The following DGKI variants were observed in gnomAD, a reference collection of about 807,000 sequenced individuals.
The protein encoded by DGKI is diacylglycerol kinase iota, also known as DAG kinase iota.
DGKI carries 55 observed loss-of-function variants against 147.5 expected under a neutral mutation model. The ratio of observed to expected loss-of-function variants is 0.37; its 90% CI spans 0.30 to 0.47. DGKI has a LOEUF of 0.47. Among genes scored for constraint, DGKI ranks in the 20% least tolerant of loss-of-function variants. The pLI is 1.00. For missense variants in DGKI, 1,007 were observed against 1,323.8 expected (o/e 0.76, Z 3.71); for synonymous variants, 469 against 477.1 (o/e 0.98, Z 0.22).
chr7:137,427,913 C>T (rs1229505107), intron 28 of DGKI, among the ~76,000 whole-genome samples: 1 of 151,148 alleles, frequency 6.6e-6, no homozygotes, highest in East Asian at 1.9e-4. Context: ...TAATCAATAG[C>T]TTACCAACCA....
At chr7:137,527,407 C>T (rs1237331277) in intron 20 of DGKI, among the ~76,000 whole-genome samples, 3 of 152,122 alleles carry the variant, frequency 2.0e-5, no homozygotes, top group Non-Finnish European at 4.4e-5. Context: ...CCGTCAACAT[C>T]AGTAGGGATA....
chr7:137,793,782 G>T (rs182586442), intron 1 of DGKI, among the ~76,000 whole-genome samples: 15 of 152,140 alleles, frequency 9.9e-5, no homozygotes, highest in African/African-American at 3.6e-4. Context: ...GAAGAGCCAA[G>T]AAGATTTTGA....
chr7:137,568,920 GA>G (rs144657060), intron 19 of DGKI, among the ~76,000 whole-genome samples: 27 of 144,196 alleles, frequency 1.9e-4, no homozygotes, highest in Admixed American at 4.1e-4. Flanking sequence ...ACAATTGTTA[GA>G]AAAAAAAAAC....
chr7:137,693,880 G>A (rs1823692781), intron 1 of DGKI, among the ~76,000 whole-genome samples: 1 of 152,174 alleles, frequency 6.6e-6, no homozygotes, highest in African/African-American at 2.4e-5. Flanking sequence ...GTGTTAAGAA[G>A]CCTAAGAAAC....
chr7:137,799,941 C>A (rs1368225158), intron 1 of DGKI, among the ~76,000 whole-genome samples: 1 of 152,140 alleles, frequency 6.6e-6, no homozygotes, highest in Non-Finnish European at 1.5e-5. Flanking sequence ...TATTTAATGG[C>A]ATTAGAAATC....
intron 23 of DGKI, among the ~76,000 whole-genome samples, chr7:137,481,136 C>T (rs976107506): frequency 1.3e-5 from 2 of 152,052 alleles, no homozygotes; most frequent in African/African-American, 2.4e-5. Context: ...TCTCTGTGCA[C>T]GCTAAGATGT....
chr7:137,656,577 T>C lies in DGKI; in HGVS notation c.607-37A>G, dbSNP rs757944928. 21 of 1,601,520 alleles carry C rather than the reference T, an allele frequency of 1.3e-5. No homozygotes were observed. In the South Asian group the frequency reaches 2.2e-4, roughly 17 times the overall value. Reference sequence around the variant, plus strand: ...AATTCAAAAGACAAAAAAGAAATGTTAACAGTCTGTTCTGAAGAGTTCCCT... The same window carrying C: ...AATTCAAAAGACAAAAAAGAAATGTCAACAGTCTGTTCTGAAGAGTTCCCT... On this transcript the variant is annotated intron_variant, in intron 3 of 32. Coordinates refer to ENST00000614521, the MANE Select transcript of DGKI (RefSeq NM_001321708.2).
intron 23 of DGKI, among the ~76,000 whole-genome samples, chr7:137,482,649 C>T (rs903206195): frequency 2.6e-5 from 4 of 152,006 alleles, no homozygotes; most frequent in African/African-American, 9.7e-5. Context: ...CTTGGCCAAA[C>T]ATGAAAGTTT....
chr7:137,553,276 C>T (rs1226875338), intron 19 of DGKI, among the ~76,000 whole-genome samples: 1 of 152,186 alleles, frequency 6.6e-6, no homozygotes, highest in Non-Finnish European at 1.5e-5. Flanking sequence ...TTATCCAATA[C>T]TTTAATATGC....
intron 12 of DGKI, among the ~76,000 whole-genome samples, chr7:137,587,420 C>T (rs765706268): frequency 1.2e-4 from 19 of 152,174 alleles, no homozygotes; most frequent in Non-Finnish European, 2.4e-4. Flanking sequence ...CCATTTTGCA[C>T]ATGTTCTATC....
At chr7:137,740,998 G>A (rs1339524080) in intron 1 of DGKI, among the ~76,000 whole-genome samples, 1 of 152,104 alleles carries the variant, frequency 6.6e-6, no homozygotes, top group Middle Eastern at 3.2e-3. Flanking sequence ...GATAAAAAGG[G>A]TGGCTAAGTC....
intron 3 of DGKI, among the ~76,000 whole-genome samples, chr7:137,677,152 T>G (rs562114158): frequency 6.6e-6 from 1 of 152,322 alleles, no homozygotes; most frequent in South Asian, 2.1e-4. Flanking sequence ...CAATTATACT[T>G]TAATTAAAAA....
intron 1 of DGKI, among the ~76,000 whole-genome samples, chr7:137,804,976 A>C (rs1797321811): frequency 1.3e-5 from 2 of 152,216 alleles, no homozygotes; most frequent in African/African-American, 4.8e-5. Flanking sequence ...TTTCAAAGAA[A>C]GTAAGTTAAG....
intron 20 of DGKI, among the ~76,000 whole-genome samples, chr7:137,542,933 C>G (rs1817750600): frequency 6.6e-6 from 1 of 152,086 alleles, no homozygotes; most frequent in Admixed American, 6.6e-5. Context: ...TCCCACAGAG[C>G]ATTGAGTAAC....
chr7:137,674,719 T>C (rs574762799), intron 3 of DGKI, among the ~76,000 whole-genome samples: 4 of 152,348 alleles, frequency 2.6e-5, no homozygotes, highest in African/African-American at 7.2e-5. Flanking sequence ...AGTCTGCTCA[T>C]GTTCCTCTTC....
intron 1 of DGKI, among the ~76,000 whole-genome samples, chr7:137,760,395 C>G (rs944797295): frequency 1.3e-5 from 2 of 152,150 alleles, no homozygotes; most frequent in East Asian, 3.9e-4. Context: ...CTGCTCCAGC[C>G]CACCTCCTGG....
chr7:137,525,577 T>C (rs961377455), intron 20 of DGKI, among the ~76,000 whole-genome samples: 4 of 152,172 alleles, frequency 2.6e-5, no homozygotes, highest in Non-Finnish European at 5.9e-5. Context: ...CAGTTCCTAG[T>C]TAATCAGGAA....
intron 19 of DGKI, among the ~76,000 whole-genome samples, chr7:137,565,390 TTATG>T (rs1382810556): frequency 6.6e-6 from 1 of 152,184 alleles, no homozygotes; most frequent in East Asian, 1.9e-4. Context: ...ACTTTAATTC[TTATG>T]TATATTATCA....
intron 1 of DGKI, among the ~76,000 whole-genome samples, chr7:137,772,731 G>GT (rs1796243831): frequency 6.6e-6 from 1 of 152,212 alleles, no homozygotes; most frequent in Admixed American, 6.5e-5. Flanking sequence ...TGGAAACACT[G>GT]TCAGCAGTTA....
Sources: allele counts gnomAD v4.1 joint callset (sites outside exome capture counted in the v4.1 genomes callset), GRCh38; gene constraint gnomAD v4.1.1; transcripts MANE v1.5; gene names NCBI Gene and HGNC (gene_info 2026-07-23, HGNC 2026-07-21).